Variants in SPOCK1 observed in about 807,000 individuals in gnomAD.
The protein encoded by SPOCK1 is testican-1.
SPOCK1 carries 23 observed loss-of-function variants against 55.3 expected under a neutral mutation model. The observed-to-expected ratio is 0.42, with a 90% CI of 0.30 to 0.59. SPOCK1 has a LOEUF of 0.59. Among genes scored for constraint, SPOCK1 ranks in the 20% least tolerant of loss-of-function variants. The pLI is 0.22. For missense variants in SPOCK1, 499 were observed against 552.5 expected, an observed-to-expected ratio of 0.90 and a Z score of 0.97; for synonymous variants, 226 against 221.0, an observed-to-expected ratio of 1.02 and a Z score of -0.20.
chr5:137,321,241 G>A (rs1264219240), intron 2 of SPOCK1, among the ~76,000 whole-genome samples: 1 of 150,744 alleles, frequency 6.6e-6, no homozygotes, highest in Non-Finnish European at 1.5e-5. Flanking sequence ...ACCTACTATG[G>A]GACACCACAG....
intron 6 of SPOCK1, among the ~76,000 whole-genome samples, chr5:137,040,272 T>C (rs1286222654): frequency 6.6e-6 from 1 of 152,228 alleles, no homozygotes; most frequent in African/African-American, 2.4e-5. Flanking sequence ...TAGCACTTCA[T>C]GAGGGCTTGG....
rs1324027096 is a variant in SPOCK1 at position 137,443,498 on chromosome 5, G to A, written c.186+54875C>T. 3.3e-5 allele frequency among the ~76,000 whole-genome samples: 5 copies of A among 152,060 alleles called. No individual in the cohort carries two copies. The South Asian group carries it at 6.2e-4, about 19-fold the overall frequency. On this transcript the variant is annotated intron_variant, in intron 2 of 10. Coordinates refer to ENST00000394945, the MANE Select transcript of SPOCK1 (RefSeq NM_004598.4). Reference sequence around the variant, plus strand: ...ATGGATCCAGTTCTCACCCACAACCGAATGACTTGCAGATGGCTGTCCCAG... The same window carrying A: ...ATGGATCCAGTTCTCACCCACAACCAAATGACTTGCAGATGGCTGTCCCAG...
intron 2 of SPOCK1, among the ~76,000 whole-genome samples, chr5:137,479,843 G>A (rs6879273): frequency 0.024 from 3,643 of 152,288 alleles, 157 homozygotes; most frequent in African/African-American, 0.083. Context: ...TGATAAAAGC[G>A]GGATAGGAAG....
rs190984088 is a variant in SPOCK1, at chr5:137,028,564, T to G, written c.590-35964A>C. On this transcript the variant is annotated intron_variant, in intron 6 of 10. Coordinates refer to ENST00000394945, the MANE Select transcript of SPOCK1 (RefSeq NM_004598.4). ...TTATCCCTGGGGGTGGGCTTCATAT[T>G]CCAGATCACTGCTTAAGGTAGGAAG... Among the ~76,000 whole-genome samples the G allele has an allele frequency of 1.3e-3, 195 of 152,194 alleles. 1 individual carries two copies. The highest frequency in any genetic ancestry group is 2.1e-3 in the Non-Finnish European group (145 of 68,016).
chr5:137,461,251 G>C (rs1026881116), intron 2 of SPOCK1, among the ~76,000 whole-genome samples: 2 of 152,300 alleles, frequency 1.3e-5, no homozygotes, highest in Middle Eastern at 3.4e-3. Context: ...TTACCTCCCT[G>C]GGTAGAAAAT....
intron 3 of SPOCK1, among the ~76,000 whole-genome samples, chr5:137,201,319 A>G (rs1170876436): frequency 6.6e-6 from 1 of 152,248 alleles, no homozygotes; most frequent in East Asian, 1.9e-4. Context: ...AATCCACTAC[A>G]AAACTCTGGA....
intron 2 of SPOCK1, among the ~76,000 whole-genome samples, chr5:137,301,139 T>A (rs1757580923): frequency 6.6e-6 from 1 of 152,234 alleles, no homozygotes; most frequent in African/African-American, 2.4e-5. Flanking sequence ...AGAATTCTTT[T>A]ACAGCCTTGG....
chr5:137,022,181 A>G (rs1209764476), intron 6 of SPOCK1, among the ~76,000 whole-genome samples: 2 of 152,058 alleles, frequency 1.3e-5, no homozygotes, highest in Non-Finnish European at 2.9e-5. Context: ...CTTCCATACC[A>G]CATTGCTAGC....
intron 5 of SPOCK1, among the ~76,000 whole-genome samples, chr5:137,093,543 G>T (rs10070646): frequency 0.25 from 37,552 of 152,100 alleles, 5,220 homozygotes; most frequent in Non-Finnish European, 0.32. Flanking sequence ...TGAAATAAGA[G>T]ATTTCAGATG....
chr5:137,493,311 C>T (rs1754226038), intron 2 of SPOCK1, among the ~76,000 whole-genome samples: 1 of 152,200 alleles, frequency 6.6e-6, no homozygotes, highest in Non-Finnish European at 1.5e-5. Flanking sequence ...AGTGATTGAG[C>T]GAATGATGAG....
At chr5:137,069,374 C>G (rs1037070868) in intron 5 of SPOCK1, among the ~76,000 whole-genome samples, 4 of 152,190 alleles carry the variant, frequency 2.6e-5, no homozygotes, top group Non-Finnish European at 4.4e-5. Context: ...TAGTACGTGC[C>G]CAGCATGGCA....
At chr5:137,386,983 TA>T (rs1222387719) in intron 2 of SPOCK1, among the ~76,000 whole-genome samples, 1 of 152,126 alleles carries the variant, frequency 6.6e-6, no homozygotes, top group Non-Finnish European at 1.5e-5. Flanking sequence ...CAACTTGATT[TA>T]AAAAAATAAG....
At chr5:137,368,376 G>A (rs1751122199) in intron 2 of SPOCK1, among the ~76,000 whole-genome samples, 1 of 152,206 alleles carries the variant, frequency 6.6e-6, no homozygotes, top group South Asian at 2.1e-4. Context: ...GGTCCTGAGA[G>A]GGAACAATGG....
intron 3 of SPOCK1, among the ~76,000 whole-genome samples, chr5:137,231,373 C>T (rs1561478790): frequency 6.6e-6 from 1 of 152,172 alleles, no homozygotes; most frequent in Admixed American, 6.5e-5. Flanking sequence ...AACCCACCCA[C>T]CTTCCTGCTG....
chr5:137,411,986 A>C (rs1752217277), intron 2 of SPOCK1, among the ~76,000 whole-genome samples: 2 of 152,234 alleles, frequency 1.3e-5, no homozygotes, highest in South Asian at 4.1e-4. Context: ...AGGCGAAAGA[A>C]GAATGAGGGG....
At chr5:137,356,873 A>AGAGAGAGAGAGAGAGAGAGATAGT (rs796667572) in intron 2 of SPOCK1, among the ~76,000 whole-genome samples, 1 of 69,824 alleles carries the variant, frequency 1.4e-5, no homozygotes, top group African/African-American at 7.3e-5. Context: ...AGAGAGAGAG[A>AGAGAGAGAGAGAGAGAGAGATAGT]GAGTATGCAG....
chr5:137,399,096 T>C (rs1751919866), intron 2 of SPOCK1, among the ~76,000 whole-genome samples: 1 of 152,230 alleles, frequency 6.6e-6, no homozygotes, highest in African/African-American at 2.4e-5. Context: ...ATTTATATTA[T>C]AATAAGCCTT....
intron 4 of SPOCK1, among the ~76,000 whole-genome samples, chr5:137,136,986 C>T (rs770814774): frequency 3.9e-5 from 6 of 152,330 alleles, no homozygotes; most frequent in South Asian, 4.1e-4. Context: ...TGCTTGGCCC[C>T]CCACTGAAAT....
intron 2 of SPOCK1, among the ~76,000 whole-genome samples, chr5:137,332,092 T>C (rs1758197552): frequency 6.6e-6 from 1 of 151,998 alleles, no homozygotes; most frequent in Non-Finnish European, 1.5e-5. Context: ...GTGTGGCTTC[T>C]TTTCCCCTCT....
Sources: allele counts gnomAD v4.1 joint callset (sites outside exome capture counted in the v4.1 genomes callset), GRCh38; gene constraint gnomAD v4.1.1; transcripts MANE v1.5; gene names NCBI Gene and HGNC (gene_info 2026-07-23, HGNC 2026-07-21).